NXF1: variants seen among roughly 807,000 people sequenced by gnomAD.
NXF1 encodes mRNA export factor TAP.
Under a neutral mutation model 92.4 loss-of-function variants are expected in NXF1, and 43 were observed. That is an observed-to-expected ratio of 0.47 (90% CI 0.36 to 0.60). The LOEUF (loss-of-function observed/expected upper bound fraction) is 0.60, where lower values mean the gene tolerates loss of function less well. Among genes scored for constraint, NXF1 ranks in the 20% least tolerant of loss-of-function variants. The pLI, the probability that NXF1 is intolerant of heterozygous loss-of-function variation, is 0.00. For missense variants in NXF1, 576 were observed against 793.0 expected (o/e 0.73, Z 3.29); for synonymous variants, 288 against 292.2 (o/e 0.99, Z 0.15).
chr11:62,798,678 C>T, intron 10 of NXF1, 103 bp from the exon 11 acceptor site: 1 of 1,567,506 alleles, frequency 6.4e-7, no homozygotes. Flanking sequence ...CCCATCCCAT[C>T]CTGCTCATCC....
At chr11:62,801,518 C>T in intron 7 of NXF1, 44 bp downstream of exon 7, 1 of 1,610,432 alleles carries the variant, frequency 6.2e-7, no homozygotes, top group Non-Finnish European at 8.5e-7. Flanking sequence ...TGACAGATCC[C>T]ACCTTATCAC....
intron 17 of NXF1, 72 bp downstream of exon 17, chr11:62,795,829 C>T: frequency 7.2e-7 from 1 of 1,390,386 alleles, no homozygotes; most frequent in South Asian, 1.2e-5. Flanking sequence ...AGCTGGGAAG[C>T]TAAGAGTGCT....
At chr11:62,797,119 C>CCT (rs2084429783) in intron 13 of NXF1, 64 bp downstream of exon 13, 2 of 1,373,428 alleles carry the variant, frequency 1.5e-6, no homozygotes, top group Non-Finnish European at 2.1e-6. Flanking sequence ...TTGATGTGTG[C>CCT]CTGGGTCTGC....
chr11:62,796,276 C>T lies in NXF1; in HGVS notation c.1345+11G>A, dbSNP rs1428878066. On this transcript the variant is annotated intron_variant, in intron 15 of 20. Coordinates refer to ENST00000294172, the MANE Select transcript of NXF1 (RefSeq NM_006362.5). ...CCCTTTTCCCATATTTTGTTCGTATCACACACTTACTAGGGTCTTTAAGCT... is the reference window on the plus strand; with the variant it reads ...CCCTTTTCCCATATTTTGTTCGTATTACACACTTACTAGGGTCTTTAAGCT... 6.2e-7 allele frequency: 1 copy of T among 1,613,954 alleles called. No individual in the cohort carries two copies. The highest frequency in any genetic ancestry group is 8.5e-7 in the Non-Finnish European group (1 of 1,179,962).
intron 19 of NXF1, 107 bp downstream of exon 19, chr11:62,794,151 C>T (rs1471157817): frequency 1.5e-5 from 15 of 1,007,402 alleles, no homozygotes; most frequent in Non-Finnish European, 2.0e-5. Context: ...GATGACAGCG[C>T]AAGAACTTGT....
At position 62,794,294 on chromosome 11, in the gene NXF1, G is replaced by A; in HGVS notation, c.1724C>T (p.Ser575Phe). The A allele has an allele frequency of 1.2e-6, 2 of 1,614,164 alleles. No individual in the cohort carries two copies. Among genetic ancestry groups the A allele is most frequent in the South Asian group, 1.1e-5 (1 of 91,080 alleles). The change falls in exon 19 of 21, where the codon TCT (serine) becomes TTT (phenylalanine). Residue 575 changes from serine to phenylalanine, a missense_variant. Transcript: ENST00000294172. ...CTCGAGGTTCATGCCAGACTGGGTA[G>A]AGAATGCTTGCAACATTTCCTGCTG... ...PEQQEMLQAF[S>F]TQSGMNLEWS...
Position 62,794,922 on chromosome 11 carries a change from G to A in NXF1, c.1577+13C>T. Reference sequence around the variant, plus strand: ...TTAGGACTGGTATCCAATGCGAAAAGCAGAATACTTACCCTGAATTGCTAG... The same window carrying A: ...TTAGGACTGGTATCCAATGCGAAAAACAGAATACTTACCCTGAATTGCTAG... On this transcript the variant is annotated intron_variant, in intron 18 of 20. Transcript: ENST00000294172. The A allele has an allele frequency of 6.2e-7, 1 of 1,613,466 alleles. No individual in the cohort carries two copies. The highest frequency in any genetic ancestry group is 2.2e-5 in the East Asian group (1 of 44,874).
intron 3 of NXF1, 108 bp downstream of exon 3, chr11:62,803,311 A>G: frequency 2.0e-6 from 2 of 978,270 alleles, no homozygotes; most frequent in Non-Finnish European, 2.9e-6. Context: ...GCAAGACTCC[A>G]TTTAAAAAAA....
chr11:62,794,536 C>T (rs2134758890), intron 18 of NXF1, 96 bp from the exon 19 acceptor site: 1 of 1,072,984 alleles, frequency 9.3e-7, no homozygotes, highest in Non-Finnish European at 1.4e-6. Context: ...CCACAAGGTC[C>T]CCCTCCCACT....
rs1158654994 is a variant in NXF1, at chr11:62,802,252, A to G, written c.378T>C (p.Tyr126=). Reference sequence around the variant, plus strand: ...GCCATGCCTTGTCATACTTTCTGCCATAAGGAATCTAGAAATGAGAGAAAG... The same window carrying G: ...GCCATGCCTTGTCATACTTTCTGCCGTAAGGAATCTAGAAATGAGAGAAAG... ...SKNWFKITIP[Y]GRKYDKAWLL... is the part of the protein sequence containing the mutation. Residue 126 remains tyrosine, a synonymous_variant, in exon 4 of 21, where the codon TAT becomes TAC. Coordinates refer to ENST00000294172, the MANE Select transcript of NXF1 (RefSeq NM_006362.5). 4.3e-6 allele frequency: 7 copies of G among 1,613,938 alleles called. No individual in the cohort carries two copies. The highest frequency in any genetic ancestry group is 4.5e-5 in the East Asian group (2 of 44,906).
At chr11:62,792,869 T>G in intron 19 of NXF1, 168 bp from the exon 20 acceptor site, 1 of 617,274 alleles carries the variant, frequency 1.6e-6, no homozygotes, top group East Asian at 2.8e-5. Context: ...GTTCTACCAA[T>G]GGCTTCTCAA....
At chr11:62,793,624 CTG>C (rs1186179949) in intron 19 of NXF1, among the ~76,000 whole-genome samples, 2 of 151,858 alleles carry the variant, frequency 1.3e-5, no homozygotes, top group Admixed American at 1.3e-4. Flanking sequence ...CTGCAGTGAA[CTG>C]TGATCACACC....
At position 62,803,462 on chromosome 11, in the gene NXF1, C is replaced by A; in HGVS notation, c.326G>T (p.Gly109Val). Reference sequence around the variant, plus strand: ...CTTTGAGGTCCCATCCTGGCTGGTGCCAGCCCCTCCTCTCTCTGGAGGAGC... The same window carrying A: ...CTTTGAGGTCCCATCCTGGCTGGTGACAGCCCCTCCTCTCTCTGGAGGAGC... ...DRAPPERGGA[G>V]TSQDGTSKNW... Residue 109 changes from glycine to valine, a missense_variant, in exon 3 of 21, where the codon GGC (glycine) becomes GTC (valine). Physicochemically the swap from Gly to Val is moderately radical, Grantham distance 109 (BLOSUM62 -3). Coordinates refer to ENST00000294172, the MANE Select transcript of NXF1 (RefSeq NM_006362.5). The A allele has an allele frequency of 6.2e-7, 1 of 1,614,026 alleles. No homozygotes were observed. The highest frequency in any genetic ancestry group is 2.2e-5 in the East Asian group (1 of 44,882).
Position 62,797,300 on chromosome 11 carries a change from TC to T in NXF1, c.1122+17del, listed in dbSNP as rs745911085. On this transcript the variant is annotated intron_variant, in intron 12 of 20. Coordinates refer to ENST00000294172, the MANE Select transcript of NXF1 (RefSeq NM_006362.5). ...ATTCTCTCCACACACAAGTTCTTAC[TC>T]TGTCCATGCTTCCTACCTTGCAGGG... 9 of 1,614,034 alleles carry T rather than the reference TC, an allele frequency of 5.6e-6. No homozygotes were observed. The East Asian group carries it at 2.0e-4, about 36-fold the overall frequency.
At position 62,792,701 on chromosome 11, in the gene NXF1, C is replaced by G. The variant is rs779024930; in HGVS notation, c.1761G>C (p.Lys587Asn). Residue 587 changes from lysine (K) to asparagine (N), a missense_variant and splice_region_variant, in exon 20 of 21, where the codon AAG becomes AAC. Transcript: ENST00000294172. ...AGTCCCAGTTGTTGTCCTGAAGGCA[C>G]CTGGAGTGGAAGAACAGGCAGCTCT... ...QSGMNLEWSQ[K>N]CLQDNNWDYT... is the part of the protein sequence containing the mutation. 6.2e-7 allele frequency: 1 copy of G among 1,614,132 alleles called. No individual in the cohort carries two copies. The highest frequency in any genetic ancestry group is 8.5e-7 in the Non-Finnish European group (1 of 1,180,004).
Position 62,792,269 on chromosome 11 carries a change from T to C in NXF1, c.*207A>G. ...GTAGTTTAGTGTCAGTTCTACAAAG[T>C]AAGCTTTGGCTTCCTGGCACCAGTG... is the stretch of plus-strand genomic sequence containing the variant. On this transcript the variant is annotated 3_prime_UTR_variant, in exon 21 of 21. Transcript: ENST00000294172. 2 of 728,314 alleles carry C rather than the reference T, an allele frequency of 2.7e-6. No homozygotes were observed. Among genetic ancestry groups the C allele is most frequent in the East Asian group, 2.5e-5 (1 of 40,688 alleles). 45.1% of individuals were successfully genotyped at this position (728,314 alleles called of 1,614,324 possible). A position where few individuals can be genotyped will look rare whatever the true frequency, so the allele number is the denominator to read the frequency against.
chr11:62,795,023 C>CA lies in NXF1; in HGVS notation c.1505-17dup, dbSNP rs764551667. 4.7e-5 allele frequency: 76 copies of CA among 1,612,790 alleles called. No homozygotes were observed. The highest frequency in any genetic ancestry group is 6.3e-5 in the Non-Finnish European group (74 of 1,178,752). On this transcript the variant is annotated splice_polypyrimidine_tract_variant and intron_variant, in intron 17 of 20. Coordinates refer to ENST00000294172, the MANE Select transcript of NXF1 (RefSeq NM_006362.5). ...TTTCCGTCCACTGCAATAAGAACAG[C>CA]AACAACACCTTAGGGTCACTAGTGC... is the stretch of plus-strand genomic sequence containing the variant.
intron 11 of NXF1, among the ~76,000 whole-genome samples, chr11:62,797,742 T>C (rs2084435858): frequency 6.6e-6 from 1 of 152,044 alleles, no homozygotes. Context: ...GTTGACAGTT[T>C]AAACCAGAGA....
chr11:62,794,170 A>T, intron 19 of NXF1, 88 bp downstream of exon 19: 1 of 1,358,348 alleles, frequency 7.4e-7, no homozygotes, highest in Non-Finnish European at 1.0e-6. Context: ...GTCTCCAAAA[A>T]AAAAACAAAA....
Sources: allele counts gnomAD v4.1 joint callset (sites outside exome capture counted in the v4.1 genomes callset), GRCh38; gene constraint gnomAD v4.1.1; transcripts MANE v1.5; gene names NCBI Gene and HGNC (gene_info 2026-07-23, HGNC 2026-07-21).